The following DIAPH2 variants were observed in gnomAD, a reference collection of about 807,000 sequenced individuals.
DIAPH2 encodes the protein diaphanous related formin 2.
Under a neutral mutation model 92.7 loss-of-function variants are expected in DIAPH2, and 35 were observed. That is an observed-to-expected ratio of 0.38 (90% confidence interval 0.29 to 0.50). DIAPH2 has a LOEUF of 0.50. Ranked by LOEUF, DIAPH2 falls within the 20% of genes least tolerant of loss-of-function variation. The pLI is 0.94. For missense variants in DIAPH2, 701 were observed against 819.5 expected (o/e 0.86, Z 1.77); for synonymous variants, 301 against 280.4 (o/e 1.07, Z -0.73).
chrX:96,933,550 ATG>A (rs1409902749), intron 10 of DIAPH2, among the ~76,000 whole-genome samples: 73 of 103,277 alleles, frequency 7.1e-4, no homozygotes, highest in Middle Eastern at 5.1e-3. Context: ...GTATATATAT[ATG>A]TGTGTGTGTA....
intron 26 of DIAPH2, among the ~76,000 whole-genome samples, chrX:97,570,364 A>G (rs370612934): frequency 9.5e-6 from 1 of 105,563 alleles, no homozygotes; most frequent in East Asian, 3.0e-4. Context: ...GCTTGACTCT[A>G]TGATGAGAGA....
intron 1 of DIAPH2, among the ~76,000 whole-genome samples, chrX:96,700,094 G>C (rs1465708773): frequency 9.0e-6 from 1 of 111,553 alleles, no homozygotes; most frequent in Non-Finnish European, 1.9e-5. Flanking sequence ...CTGCAGCCTC[G>C]ACCTCCCTGG....
intron 22 of DIAPH2, among the ~76,000 whole-genome samples, chrX:97,194,527 G>A (rs773806094): frequency 3.3e-4 from 37 of 110,468 alleles, no homozygotes; most frequent in East Asian, 2.8e-3. Context: ...CTCGTGATCC[G>A]CCCACCTTGG....
At chrX:96,982,920 G>A (rs1002011485) in intron 17 of DIAPH2, among the ~76,000 whole-genome samples, 23 of 111,408 alleles carry the variant, frequency 2.1e-4, no homozygotes, top group Admixed American at 1.8e-3. Flanking sequence ...TTTGAGGCAG[G>A]GTTTTGGGAC....
At chrX:97,596,846 G>A (rs932429663) in intron 26 of DIAPH2, among the ~76,000 whole-genome samples, 7 of 111,742 alleles carry the variant, frequency 6.3e-5, no homozygotes, top group Non-Finnish European at 9.4e-5. Context: ...GACTCCAAAC[G>A]TGGAAGTCGT....
chrX:97,489,134 G>A (rs762831297), intron 26 of DIAPH2, among the ~76,000 whole-genome samples: 2 of 111,563 alleles, frequency 1.8e-5, no homozygotes, highest in South Asian at 3.7e-4. Flanking sequence ...AGTTTTCGCC[G>A]TACAAGTCTT....
chrX:97,293,161 A>C (rs2068608878), intron 23 of DIAPH2, among the ~76,000 whole-genome samples: 1 of 106,720 alleles, frequency 9.4e-6, no homozygotes, highest in Admixed American at 1.0e-4. Context: ...TCTGTGTCCT[A>C]CTCAATATCT....
At chrX:97,414,999 C>T (rs989776659) in intron 25 of DIAPH2, among the ~76,000 whole-genome samples, 1 of 111,630 alleles carries the variant, frequency 9.0e-6, no homozygotes, top group Non-Finnish European at 1.9e-5. Flanking sequence ...AGACCTTACA[C>T]AAATTTACAA....
chrX:96,809,341 TAAA>T (rs72177977), intron 4 of DIAPH2, among the ~76,000 whole-genome samples: 1 of 99,377 alleles, frequency 1.0e-5, no homozygotes, highest in Admixed American at 1.1e-4. Context: ...AAAATGTGGT[TAAA>T]AAAAAAAAAA....
chrX:97,352,754 C>T (rs2069229445), intron 24 of DIAPH2, among the ~76,000 whole-genome samples: 1 of 105,195 alleles, frequency 9.5e-6, no homozygotes, highest in Non-Finnish European at 2.0e-5. Flanking sequence ...CCTGTAGTCC[C>T]AGCTACTTGG....
In DIAPH2 at chrX:96,930,043, G is replaced by A. The variant is rs752955702; in HGVS notation, c.979-690G>A. Among the ~76,000 whole-genome samples, 3 of 109,757 alleles carry A rather than the reference G, an allele frequency of 2.7e-5. No homozygotes were observed. In the South Asian group the frequency reaches 1.1e-3, roughly 42 times the overall value. ...GTAAGAAAAGCAAAACTCATTTTTC[G>A]GTATCAATATATTTAATCAAATACT... On this transcript the variant is annotated intron_variant, in intron 9 of 26. Transcript: ENST00000324765.
chrX:96,732,205 A>G (rs1381451113), intron 1 of DIAPH2, among the ~76,000 whole-genome samples: 1 of 111,711 alleles, frequency 9.0e-6, no homozygotes, highest in African/African-American at 3.3e-5. Flanking sequence ...GTTATTCTCA[A>G]GTCCTTTTAT....
intron 23 of DIAPH2, among the ~76,000 whole-genome samples, chrX:97,267,729 T>A (rs2068349497): frequency 8.9e-6 from 1 of 111,956 alleles, no homozygotes; most frequent in Admixed American, 9.5e-5. Flanking sequence ...CATGTCAGTT[T>A]CTGCTTAATG....
In DIAPH2 at chrX:97,200,579, G is replaced by A. The variant is rs192272373; in HGVS notation, c.2720-47136G>A. On this transcript the variant is annotated intron_variant, in intron 22 of 26. Coordinates refer to ENST00000324765, the MANE Select transcript of DIAPH2 (RefSeq NM_006729.5). ...GCGGAATTCATCACAGCGTGGCAAA[G>A]CGGCTGTGGCCAGAATGCTTCTCTA... Among the ~76,000 whole-genome samples, 3 of 111,719 alleles carry A rather than the reference G, an allele frequency of 2.7e-5. No individual in the cohort carries two copies. In the Admixed American group the frequency reaches 2.8e-4, roughly 11 times the overall value.
chrX:97,258,870 C>CAAAAAAAAAAA (rs141981932), intron 23 of DIAPH2, among the ~76,000 whole-genome samples: 2 of 39,079 alleles, frequency 5.1e-5, no homozygotes, highest in Non-Finnish European at 8.4e-5. Flanking sequence ...GACTCCGTCT[C>CAAAAAAAAAAA]AAAAAAAAAA....
intron 4 of DIAPH2, among the ~76,000 whole-genome samples, chrX:96,795,279 A>C (rs1441868848): frequency 2.7e-5 from 3 of 111,582 alleles, no homozygotes; most frequent in Non-Finnish European, 5.6e-5. Flanking sequence ...CAGTAATAAA[A>C]AAATTTGAGG....
intron 19 of DIAPH2, among the ~76,000 whole-genome samples, chrX:97,090,051 T>C (rs1873543440): frequency 8.9e-6 from 1 of 112,352 alleles, no homozygotes; most frequent in Non-Finnish European, 1.9e-5. Flanking sequence ...TTCTTAAGCA[T>C]TGGAGTGAAG....
chrX:97,531,089 G>T (rs2071056578), intron 26 of DIAPH2, among the ~76,000 whole-genome samples: 1 of 110,596 alleles, frequency 9.0e-6, no homozygotes, highest in African/African-American at 3.3e-5. Context: ...TTAAAATTTT[G>T]GTCCATTAAT....
intron 1 of DIAPH2, among the ~76,000 whole-genome samples, chrX:96,702,651 A>G (rs1452311167): frequency 1.8e-5 from 2 of 112,204 alleles, no homozygotes; most frequent in East Asian, 5.6e-4. Flanking sequence ...AAAAATATGC[A>G]TATCTCAGTC....
Sources: allele counts gnomAD v4.1 joint callset (sites outside exome capture counted in the v4.1 genomes callset), GRCh38; gene constraint gnomAD v4.1.1; transcripts MANE v1.5; gene names NCBI Gene and HGNC (gene_info 2026-07-23, HGNC 2026-07-21).